The following EYS variants were observed in gnomAD, a reference collection of about 807,000 sequenced individuals.
The protein encoded by EYS is EGF-like photoreceptor maintenance factor.
A neutral mutation model predicts 282.1 loss-of-function variants in EYS; 250 were observed. That is an observed-to-expected ratio of 0.89 (90% CI 0.80 to 0.98). EYS has a LOEUF of 0.98. EYS is among the 50% of genes least tolerant of loss of function. The probability of loss-of-function intolerance (pLI) is 0.00; values close to 1 mark genes in which losing one functional copy is unlikely to be tolerated. For synonymous variants in EYS, 1,355 were observed against 1,282.9 expected, an observed-to-expected ratio of 1.06 and a Z score of -1.20; for missense variants, 4,016 against 3,709.0, an observed-to-expected ratio of 1.08 and a Z score of -2.15.
At chr6:65,050,024 A>G (rs9453165) in intron 13 of EYS, among the ~76,000 whole-genome samples, 2,921 of 151,786 alleles carry the variant, frequency 0.019, 94 homozygotes, top group African/African-American at 0.066. Flanking sequence ...TAGGTTATAA[A>G]GGAAGAAGGA....
chr6:65,063,051 T>G (rs139500247), intron 12 of EYS, among the ~76,000 whole-genome samples: 47 of 152,088 alleles, frequency 3.1e-4, no homozygotes, highest in Middle Eastern at 3.4e-3. Flanking sequence ...TTAAATGAAT[T>G]CATGTATTCT....
At chr6:65,556,365 T>C (rs1768797745) in intron 2 of EYS, among the ~76,000 whole-genome samples, 1 of 136,060 alleles carries the variant, frequency 7.3e-6, no homozygotes, top group Admixed American at 7.7e-5. Context: ...TACTATTTAA[T>C]ATGTGGAGGA....
chr6:65,664,989 C>A (rs1768148652), intron 1 of EYS, among the ~76,000 whole-genome samples: 1 of 152,116 alleles, frequency 6.6e-6, no homozygotes, highest in Admixed American at 6.6e-5. Flanking sequence ...GAAAAGAGCT[C>A]TTAATAATCC....
chr6:64,836,874 T>G (rs1422112037), intron 19 of EYS, among the ~76,000 whole-genome samples: 1 of 151,570 alleles, frequency 6.6e-6, no homozygotes, highest in Non-Finnish European at 1.5e-5. Context: ...ATTATTTCAG[T>G]GGTTTGAAAA....
chr6:64,665,679 T>C (rs552755313), intron 22 of EYS, among the ~76,000 whole-genome samples: 5 of 152,358 alleles, frequency 3.3e-5, no homozygotes, highest in East Asian at 1.9e-4. Flanking sequence ...TATGCTTCAA[T>C]TGAACCAATT....
At chr6:65,087,920 T>C (rs914704171) in intron 12 of EYS, among the ~76,000 whole-genome samples, 2 of 152,246 alleles carry the variant, frequency 1.3e-5, no homozygotes, top group African/African-American at 4.8e-5. Flanking sequence ...ACTGAATAAT[T>C]AGGACAGTTT....
intron 8 of EYS, among the ~76,000 whole-genome samples, chr6:65,353,873 A>C (rs1936440): frequency 0.67 from 102,319 of 151,762 alleles, 34,590 homozygotes; most frequent in South Asian, 0.71. Context: ...ACAGTCCCTA[A>C]TCTTCTGTTT....
chr6:63,986,232 A>G (rs1466534194), intron 34 of EYS, among the ~76,000 whole-genome samples: 1 of 151,892 alleles, frequency 6.6e-6, no homozygotes, highest in African/African-American at 2.4e-5. Flanking sequence ...ATACCATCTC[A>G]CACCAGTCAG....
chr6:64,390,063 A>G lies in EYS; in HGVS notation c.5928-1223T>C, dbSNP rs201968139. Among the ~76,000 whole-genome samples the G allele has an allele frequency of 8.2e-3, 1,241 of 151,778 alleles. 24 individuals are homozygous for G. The highest frequency in any genetic ancestry group is 0.028 in the African/African-American group (1,138 of 41,304). ...TCCCACCCGAATACTGCGCTTTTCC[A>G]ACGGGCTTAAAAAACGGCACATCAC... On this transcript the variant is annotated intron_variant, in intron 28 of 42. Transcript: ENST00000503581.
At chr6:64,173,079 G>A (rs1035207333) in intron 31 of EYS, among the ~76,000 whole-genome samples, 6 of 152,026 alleles carry the variant, frequency 3.9e-5, no homozygotes, top group Admixed American at 1.3e-4. Context: ...AACACTACAC[G>A]GATAAATTCC....
chr6:65,646,282 T>C (rs1767447003), intron 1 of EYS, among the ~76,000 whole-genome samples: 1 of 151,784 alleles, frequency 6.6e-6, no homozygotes. Context: ...AAGGACAAAA[T>C]ACTAGCTAAT....
intron 12 of EYS, among the ~76,000 whole-genome samples, chr6:65,071,072 G>A (rs1773889296): frequency 6.6e-6 from 1 of 151,486 alleles, no homozygotes; most frequent in Admixed American, 6.6e-5. Context: ...TTTTATCATT[G>A]CTGGACATGT....
At chr6:64,352,265 CTATTAT>C (rs1448552132) in intron 29 of EYS, among the ~76,000 whole-genome samples, 2 of 151,518 alleles carry the variant, frequency 1.3e-5, no homozygotes, top group Non-Finnish European at 3.0e-5. Flanking sequence ...CCTCTGAACT[CTATTAT>C]TTTGGTTGGT....
chr6:64,977,036 G>A (rs757588830), intron 14 of EYS, among the ~76,000 whole-genome samples: 19 of 151,892 alleles, frequency 1.3e-4, no homozygotes, highest in Middle Eastern at 6.8e-3. Context: ...GGGATTAGAG[G>A]CATATGCCAC....
intron 30 of EYS, among the ~76,000 whole-genome samples, chr6:64,235,087 T>G (rs750890775): frequency 1.4e-5 from 1 of 71,982 alleles, no homozygotes; most frequent in Non-Finnish European, 3.0e-5. Flanking sequence ...TTTATTTTTA[T>G]TTTTTTTAAT....
At chr6:64,568,773 C>A (rs1765633294) in intron 26 of EYS, among the ~76,000 whole-genome samples, 1 of 152,034 alleles carries the variant, frequency 6.6e-6, no homozygotes, top group South Asian at 2.1e-4. Context: ...ACGAAGCTTC[C>A]AGAGGAAGGA....
intron 33 of EYS, among the ~76,000 whole-genome samples, chr6:64,028,194 C>T (rs202179582): frequency 6.6e-6 from 1 of 152,120 alleles, no homozygotes. Flanking sequence ...GGGAATCAAT[C>T]CTGAAGTCTG....
At chr6:64,179,231 T>C (rs1051658005) in intron 31 of EYS, among the ~76,000 whole-genome samples, 2 of 151,972 alleles carry the variant, frequency 1.3e-5, no homozygotes, top group African/African-American at 4.8e-5. Flanking sequence ...GTAGCAAATA[T>C]AAGAATAGAA....
rs570304665 is a variant in EYS, at chr6:65,557,867, C to T, written c.-332-61874G>A. ...GACAGGTCTTTGTGTAGAGGAGACCCGAAGTGGGTAGCTCCTATCTGCAGG... is the reference window on the plus strand; with the variant it reads ...GACAGGTCTTTGTGTAGAGGAGACCTGAAGTGGGTAGCTCCTATCTGCAGG... On this transcript the variant is annotated intron_variant, in intron 2 of 42. Transcript: ENST00000503581. 5.3e-5 allele frequency among the ~76,000 whole-genome samples: 8 copies of T among 152,110 alleles called. No homozygotes were observed. In the South Asian group the frequency reaches 1.0e-3, roughly 20 times the overall value.
Sources: allele counts gnomAD v4.1 joint callset (sites outside exome capture counted in the v4.1 genomes callset), GRCh38; gene constraint gnomAD v4.1.1; transcripts MANE v1.5; gene names NCBI Gene and HGNC (gene_info 2026-07-23, HGNC 2026-07-21).